GRM7: variants seen among roughly 807,000 people sequenced by gnomAD.
GRM7 encodes metabotropic glutamate receptor 7.
GRM7 carries 35 observed loss-of-function variants against 84.5 expected under a neutral mutation model. That is an observed-to-expected ratio of 0.41 (90% confidence interval 0.32 to 0.55). The LOEUF (loss-of-function observed/expected upper bound fraction) is 0.55, where lower values mean the gene tolerates loss of function less well. Among genes scored for constraint, GRM7 ranks in the 20% least tolerant of loss-of-function variants. The probability of loss-of-function intolerance (pLI) is 0.19; values close to 1 mark genes in which losing one functional copy is unlikely to be tolerated. For missense variants in GRM7, 1,003 were observed against 1,194.6 expected (o/e 0.84, Z 2.36); for synonymous variants, 487 against 455.1 (o/e 1.07, Z -0.89).
intron 1 of GRM7, among the ~76,000 whole-genome samples, chr3:6,935,835 A>G (rs1697672826): frequency 6.6e-6 from 1 of 151,990 alleles, no homozygotes; most frequent in Non-Finnish European, 1.5e-5. Flanking sequence ...AGCTTGGATT[A>G]CAGGTGTGTG....
chr3:7,676,589 A>C (rs1213718558), intron 8 of GRM7, among the ~76,000 whole-genome samples: 6 of 150,604 alleles, frequency 4.0e-5, no homozygotes, highest in Admixed American at 3.3e-4. Flanking sequence ...CTCCTGAGTT[A>C]CTGGGATTAC....
intron 7 of GRM7, among the ~76,000 whole-genome samples, chr3:7,564,689 C>A (rs1350607502): frequency 6.6e-6 from 1 of 152,062 alleles, no homozygotes; most frequent in Non-Finnish European, 1.5e-5. Flanking sequence ...AGGTAACTGC[C>A]ATGTCTCAGG....
chr3:7,622,690 A>T (rs1051115253), intron 8 of GRM7, among the ~76,000 whole-genome samples: 1 of 152,076 alleles, frequency 6.6e-6, no homozygotes, highest in African/African-American at 2.4e-5. Flanking sequence ...GGTTGCAGGA[A>T]CTGGTTAAAC....
intron 5 of GRM7, among the ~76,000 whole-genome samples, chr3:7,448,944 C>T (rs193109422): frequency 5.5e-4 from 83 of 151,570 alleles, no homozygotes; most frequent in African/African-American, 1.8e-3. Context: ...GAAATGCCTC[C>T]GAGATTGCCT....
intron 4 of GRM7, among the ~76,000 whole-genome samples, chr3:7,328,099 A>G (rs867179569): frequency 4.1e-4 from 63 of 152,166 alleles, no homozygotes; most frequent in African/African-American, 1.4e-3. Context: ...AAAACCAACT[A>G]TGGCACTAAA....
At chr3:7,452,166 A>T (rs147631244) in intron 5 of GRM7, among the ~76,000 whole-genome samples, 1 of 152,320 alleles carries the variant, frequency 6.6e-6, no homozygotes, top group Admixed American at 6.5e-5. Flanking sequence ...CTCCAGTAAT[A>T]CTAACAATCG....
At chr3:7,325,090 G>A (rs1034903848) in intron 4 of GRM7, among the ~76,000 whole-genome samples, 1 of 152,098 alleles carries the variant, frequency 6.6e-6, no homozygotes, top group Non-Finnish European at 1.5e-5. Context: ...CAGACCACCT[G>A]CTTCCTTCTA....
chr3:7,492,383 A>T (rs896884404), intron 7 of GRM7, among the ~76,000 whole-genome samples: 1 of 152,208 alleles, frequency 6.6e-6, no homozygotes, highest in African/African-American at 2.4e-5. Context: ...AATTTATTTG[A>T]TAGTTATAGA....
intron 2 of GRM7, among the ~76,000 whole-genome samples, chr3:7,272,373 G>T (rs1360675684): frequency 3.9e-5 from 6 of 152,146 alleles, no homozygotes; most frequent in Admixed American, 3.9e-4. Context: ...ATGAGTCAGT[G>T]CTGAGTATGT....
intron 2 of GRM7, among the ~76,000 whole-genome samples, chr3:7,252,914 T>G (rs1698055943): frequency 6.6e-6 from 1 of 150,778 alleles, no homozygotes; most frequent in South Asian, 2.1e-4. Flanking sequence ...ATGGTCTTGA[T>G]TTCTTGACCT....
chr3:7,368,008 A>G (rs1693979398), intron 4 of GRM7, among the ~76,000 whole-genome samples: 2 of 139,004 alleles, frequency 1.4e-5, no homozygotes, highest in Admixed American at 1.5e-4. Context: ...CAATGATACA[A>G]ATCCTTAAGA....
intron 7 of GRM7, among the ~76,000 whole-genome samples, chr3:7,531,635 AT>A (rs2125004999): frequency 6.6e-6 from 1 of 152,206 alleles, no homozygotes; most frequent in Non-Finnish European, 1.5e-5. Flanking sequence ...AATGCTTGTG[AT>A]TTTTGCATAT....
At chr3:7,473,814 A>G (rs1002640698) in intron 7 of GRM7, among the ~76,000 whole-genome samples, 1 of 152,200 alleles carries the variant, frequency 6.6e-6, no homozygotes, top group Non-Finnish European at 1.5e-5. Context: ...ACTTATTTTC[A>G]TGACTGATTA....
intron 4 of GRM7, among the ~76,000 whole-genome samples, chr3:7,363,346 AAT>A (rs1315887752): frequency 6.6e-6 from 1 of 152,038 alleles, no homozygotes; most frequent in Non-Finnish European, 1.5e-5. Flanking sequence ...GTCACCTGAC[AAT>A]AGTCAATCCA....
At chr3:7,604,740 T>C (rs1046359717) in intron 8 of GRM7, among the ~76,000 whole-genome samples, 11 of 152,272 alleles carry the variant, frequency 7.2e-5, no homozygotes, top group African/African-American at 2.4e-4. Flanking sequence ...GACAGATACA[T>C]TGAAACCATA....
chr3:7,486,538 G>A lies in GRM7; in HGVS notation c.1515+24816G>A, dbSNP rs947659639. Among the ~76,000 whole-genome samples the A allele has an allele frequency of 6.6e-6, 1 of 152,076 alleles. No individual in the cohort carries two copies. The highest frequency in any genetic ancestry group is 2.4e-5 in the African/African-American group (1 of 41,402). On this transcript the variant is annotated intron_variant, in intron 7 of 9. Transcript: ENST00000357716. The surrounding 1 kb of genome is among the most constrained non-coding windows in gnomAD (Gnocchi z 5.5). Reference sequence around the variant, plus strand: ...TTTGCTTTCCTGGACTGGATTATTTGCCAGAAAAGTGGGGTGCTATACAGC... The same window carrying A: ...TTTGCTTTCCTGGACTGGATTATTTACCAGAAAAGTGGGGTGCTATACAGC...
intron 6 of GRM7, among the ~76,000 whole-genome samples, chr3:7,455,288 A>G (rs1471510204): frequency 6.6e-6 from 1 of 152,220 alleles, no homozygotes; most frequent in African/African-American, 2.4e-5. Context: ...TAATTTTTTT[A>G]GGCAAGAATC....
At chr3:7,726,895 T>C (rs1702151152) in intron 9 of GRM7, among the ~76,000 whole-genome samples, 1 of 151,602 alleles carries the variant, frequency 6.6e-6, no homozygotes. Context: ...TAATCAAGGA[T>C]CATGCATTTT....
intron 1 of GRM7, among the ~76,000 whole-genome samples, chr3:7,137,106 C>T (rs1693797295): frequency 6.6e-6 from 1 of 152,032 alleles, no homozygotes; most frequent in African/African-American, 2.4e-5. Context: ...ATAATTCAAC[C>T]ACCACAATAC....
Sources: allele counts gnomAD v4.1 joint callset (sites outside exome capture counted in the v4.1 genomes callset), GRCh38; gene constraint gnomAD v4.1.1; non-coding constraint Gnocchi (gnomAD v3.1); transcripts MANE v1.5; gene names NCBI Gene and HGNC (gene_info 2026-07-23, HGNC 2026-07-21).